BCR: variants seen among roughly 807,000 people sequenced by gnomAD.
The protein encoded by BCR is breakpoint cluster region protein.
In BCR, 58 loss-of-function variants were observed where a neutral mutation model predicts 138.6. That is an observed-to-expected ratio of 0.42 (90% confidence interval 0.34 to 0.52). The LOEUF is 0.52. BCR is among the 20% of genes least tolerant of loss of function. BCR has a pLI of 0.06. For missense variants in BCR, 1,599 were observed against 1,727.2 expected, an observed-to-expected ratio of 0.93 and a Z score of 1.32; for synonymous variants, 786 against 730.1, an observed-to-expected ratio of 1.08 and a Z score of -1.23.
chr22:23,242,298 TG>T (rs1481444093), intron 1 of BCR, among the ~76,000 whole-genome samples: 3 of 152,194 alleles, frequency 2.0e-5, no homozygotes, highest in Non-Finnish European at 4.4e-5. Flanking sequence ...AGGGTTACTT[TG>T]TTAAAGCATA....
chr22:23,289,875 C>T, intron 13 of BCR: 1 of 554,628 alleles, frequency 1.8e-6, no homozygotes, highest in Non-Finnish European at 3.2e-6. Context: ...CACAAGGCTG[C>T]AGCAGACGCT....
At position 23,181,321 on chromosome 22, in the gene BCR, G is replaced by T. The variant is rs745732482; in HGVS notation, c.361G>T (p.Gly121Cys). Reference sequence around the variant, plus strand: ...GCCCGAGGCCCGGCCCGACGGCGAGGGTTCTCCGGGTAAGGCCAGGCCCGG... The same window carrying T: ...GCCCGAGGCCCGGCCCGACGGCGAGTGTTCTCCGGGTAAGGCCAGGCCCGG... ...EEPEARPDGE[G>C]SPGKARPGTA... The change falls in exon 1 of 23, where the codon GGT becomes TGT. Residue 121 changes from glycine to cysteine, a missense_variant. Gly to Cys is a radical substitution (Grantham distance 159, BLOSUM62 -3). This residue lies in a region of BCR where 806 missense variants were observed against 635.0 expected (regional missense o/e 1.27). Transcript: ENST00000305877. 2.2e-6 allele frequency: 3 copies of T among 1,387,834 alleles called. No individual in the cohort carries two copies. The highest frequency in any genetic ancestry group is 3.4e-5 in the Admixed American group (1 of 29,702). The allele number at this position is 1,387,834 out of a possible 1,614,324, so 86.0% of individuals were successfully genotyped here.
rs761957590 is a variant in BCR at position 23,285,166 on chromosome 22, A to G, written c.2371A>G (p.Ile791Val). 1.1e-5 allele frequency: 17 copies of G among 1,613,634 alleles called. No homozygotes were observed. The highest frequency in any genetic ancestry group is 1.4e-5 in the Non-Finnish European group (17 of 1,179,844). ...DEELDALKIK[I>V]SQIKNDIQRE... ...GGAGCTGGACGCTTTGAAGATCAAG[A>G]TCTCCCAGATCAAGAATGACATCCA... is the stretch of plus-strand genomic sequence containing the variant. Residue 791 changes from isoleucine (I) to valine (V), a missense_variant, in exon 10 of 23, where the codon ATC (isoleucine) becomes GTC (valine). Ile to Val is a conservative substitution (Grantham distance 29). Coordinates refer to ENST00000305877, the MANE Select transcript of BCR (RefSeq NM_004327.4).
chr22:23,186,028 C>T (rs1450858077), intron 1 of BCR, among the ~76,000 whole-genome samples: 1 of 152,064 alleles, frequency 6.6e-6, no homozygotes, highest in Admixed American at 6.5e-5. Flanking sequence ...CCGCGCAAGG[C>T]GGATAGTGTG....
chr22:23,297,598 A>C (rs1482160917), intron 16 of BCR, among the ~76,000 whole-genome samples: 1 of 151,882 alleles, frequency 6.6e-6, no homozygotes, highest in Non-Finnish European at 1.5e-5. Flanking sequence ...TTCCTCCCCC[A>C]CAGTCCAGCC....
chr22:23,262,894 A>C, intron 4 of BCR: 1 of 1,076,072 alleles, frequency 9.3e-7, no homozygotes, highest in Non-Finnish European at 1.1e-6. Flanking sequence ...CCGGGGGCTG[A>C]GGCGGGAGCG....
At chr22:23,235,836 A>G (rs2073016488) in intron 1 of BCR, among the ~76,000 whole-genome samples, 1 of 152,168 alleles carries the variant, frequency 6.6e-6, no homozygotes, top group South Asian at 2.1e-4. Flanking sequence ...TGGTGTGGAA[A>G]GGATGGGGGC....
intron 1 of BCR, among the ~76,000 whole-genome samples, chr22:23,245,824 A>G (rs2073150978): frequency 6.6e-6 from 1 of 151,782 alleles, no homozygotes; most frequent in South Asian, 2.1e-4. Context: ...AAAAAAATTG[A>G]GGTAAAATTC....
chr22:23,219,569 A>G (rs1262495658), intron 1 of BCR, among the ~76,000 whole-genome samples: 1 of 152,152 alleles, frequency 6.6e-6, no homozygotes, highest in Non-Finnish European at 1.5e-5. Flanking sequence ...TGAGTTGCCC[A>G]TGGGCTGAAG....
Position 23,285,072 on chromosome 22 carries a change from C to G in BCR, c.2277C>G (p.Leu759=). 1 of 1,614,094 alleles carries G rather than the reference C, an allele frequency of 6.2e-7. No individual in the cohort carries two copies. Among genetic ancestry groups the G allele is most frequent in the Non-Finnish European group, 8.5e-7 (1 of 1,180,012 alleles). Residue 759 remains leucine, a synonymous_variant, in exon 10 of 23, where the codon CTC becomes CTG. Transcript: ENST00000305877. ...QQYDCKWYIP[L]TDLSFQMVDE... ...ATGACTGCAAATGGTACATTCCGCT[C>G]ACGGATCTCAGCTTCCAGATGGTGG...
rs751264394 is a variant in BCR at position 23,271,570 on chromosome 22, A to G, written c.1899A>G (p.Pro633=). ...GAAGCAACAAAGATGCCAAGGATCC[A>G]ACGACCAAGAACTCTCTGGAAAGTG... ...RARSNKDAKD[P]TTKNSLETLL... Residue 633 remains proline, a synonymous_variant, in exon 6 of 23, where the codon CCA becomes CCG. Transcript: ENST00000305877. 3.7e-6 allele frequency: 6 copies of G among 1,613,990 alleles called. No homozygotes were observed. The South Asian group carries it at 5.5e-5, about 15-fold the overall frequency.
At chr22:23,242,867 T>G (rs548056691) in intron 1 of BCR, 17 of 455,764 alleles carry the variant, frequency 3.7e-5, no homozygotes, top group Non-Finnish European at 7.1e-5. Flanking sequence ...CCAGGCTGTC[T>G]CTGGAGGCTC....
intron 1 of BCR, among the ~76,000 whole-genome samples, chr22:23,217,841 C>T (rs544160921): frequency 2.0e-5 from 3 of 152,318 alleles, no homozygotes; most frequent in East Asian, 1.9e-4. Flanking sequence ...CCCATGAAGG[C>T]GGGGATCCCG....
chr22:23,214,666 A>T (rs1272800858), intron 1 of BCR, among the ~76,000 whole-genome samples: 4 of 152,220 alleles, frequency 2.6e-5, no homozygotes, highest in African/African-American at 9.6e-5. Context: ...TTTTAGGTGG[A>T]GTTGGCTAGG....
chr22:23,218,201 C>T (rs1277180717), intron 1 of BCR, among the ~76,000 whole-genome samples: 1 of 152,176 alleles, frequency 6.6e-6, no homozygotes, highest in Non-Finnish European at 1.5e-5. Flanking sequence ...CTGCCAGTGC[C>T]CTGGCTTCCA....
intron 1 of BCR, among the ~76,000 whole-genome samples, chr22:23,188,306 C>G (rs1320747949): frequency 6.6e-6 from 1 of 152,232 alleles, no homozygotes; most frequent in African/African-American, 2.4e-5. Flanking sequence ...AAACATTTCA[C>G]TGAAGAAGGA....
intron 1 of BCR, among the ~76,000 whole-genome samples, chr22:23,197,292 G>T (rs375587621): frequency 6.6e-6 from 1 of 152,140 alleles, no homozygotes; most frequent in Non-Finnish European, 1.5e-5. Flanking sequence ...TGTCGTGTAG[G>T]TTTGTGTAGG....
In BCR at chr22:23,284,108, G is replaced by GATGT; in HGVS notation, c.2237+11_2237+14dup. 6.2e-7 allele frequency: 1 copy of GATGT among 1,612,064 alleles called. No homozygotes were observed. Among genetic ancestry groups the GATGT allele is most frequent in the East Asian group, 2.2e-5 (1 of 44,768 alleles). The stretch of plus-strand genomic sequence containing the variant: ...AGAAGCAGAGCGGAGGGTGAGTGAC[G>GATGT]ATGTGGCCCCTGTCCCAGCAGTGAC... On this transcript the variant is annotated intron_variant, in intron 9 of 22. Transcript: ENST00000305877.
At chr22:23,194,441 C>G (rs865923582) in intron 1 of BCR, among the ~76,000 whole-genome samples, 1 of 149,292 alleles carries the variant, frequency 6.7e-6, no homozygotes, top group Non-Finnish European at 1.5e-5. Flanking sequence ...GATGGGGTCT[C>G]GCTCTGTCGC....
Sources: allele counts gnomAD v4.1 joint callset (sites outside exome capture counted in the v4.1 genomes callset), GRCh38; gene constraint gnomAD v4.1.1; regional missense constraint gnomAD v4.1.1; transcripts MANE v1.5; gene names NCBI Gene and HGNC (gene_info 2026-07-23, HGNC 2026-07-21).